Variants in UBE2H observed in about 807,000 individuals in gnomAD.
UBE2H encodes the protein ubiquitin-conjugating enzyme E2 H.
A neutral mutation model predicts 29.0 loss-of-function variants in UBE2H; 3 were observed. The ratio of observed to expected loss-of-function variants is 0.10; its 90% confidence interval spans 0.05 to 0.27. The LOEUF (loss-of-function observed/expected upper bound fraction) is 0.27, where lower values mean the gene tolerates loss of function less well. UBE2H is among the 10% of genes least tolerant of loss of function. The pLI, the probability that UBE2H is intolerant of heterozygous loss-of-function variation, is 1.00. For synonymous variants in UBE2H, 69 were observed against 82.9 expected (o/e 0.83, Z 0.91); for missense variants, 68 against 228.2 (o/e 0.30, Z 4.52).
At chr7:129,891,285 AAG>A (rs1388174044) in intron 1 of UBE2H, among the ~76,000 whole-genome samples, 4 of 151,896 alleles carry the variant, frequency 2.6e-5, no homozygotes, top group African/African-American at 7.2e-5. Flanking sequence ...TCCCCAGTTC[AAG>A]AGAGTCTCCT....
intron 5 of UBE2H, among the ~76,000 whole-genome samples, chr7:129,852,954 G>T (rs190003071): frequency 6.6e-6 from 1 of 152,080 alleles, no homozygotes; most frequent in Admixed American, 6.5e-5. Context: ...TCGAACTCCC[G>T]ACCTAAGGTG....
At chr7:129,850,085 G>A (rs1196341841) in intron 5 of UBE2H, among the ~76,000 whole-genome samples, 1 of 152,200 alleles carries the variant, frequency 6.6e-6, no homozygotes, top group African/African-American at 2.4e-5. Flanking sequence ...CAAAAAAGGT[G>A]GCTGGGTGCA....
At chr7:129,852,530 G>A (rs1228960766) in intron 5 of UBE2H, among the ~76,000 whole-genome samples, 1 of 151,918 alleles carries the variant, frequency 6.6e-6, no homozygotes, top group Non-Finnish European at 1.5e-5. Context: ...TCCTTCTGTT[G>A]TAGTCAATTT....
At chr7:129,904,649 A>C (rs12531936) in intron 1 of UBE2H, among the ~76,000 whole-genome samples, 9,517 of 152,256 alleles carry the variant, frequency 0.063, 369 homozygotes, top group Non-Finnish European at 0.092. Flanking sequence ...TAGCTGAGTG[A>C]CTAGCCTCGG....
At chr7:129,896,530 C>G (rs540488325) in intron 1 of UBE2H, among the ~76,000 whole-genome samples, 22 of 152,164 alleles carry the variant, frequency 1.4e-4, no homozygotes, top group African/African-American at 5.3e-4. Context: ...CTCACCCACC[C>G]CAGTAGCTTG....
At chr7:129,903,948 T>C (rs1381468947) in intron 1 of UBE2H, among the ~76,000 whole-genome samples, 2 of 152,246 alleles carry the variant, frequency 1.3e-5, no homozygotes, top group Non-Finnish European at 2.9e-5. Context: ...CGTTATTTTT[T>C]GAGTATTAAC....
rs1554435104 is a variant in UBE2H at position 129,886,767 on chromosome 7, T to TTAA, written c.54-5797_54-5796insTTA. 6.9e-5 allele frequency among the ~76,000 whole-genome samples: 5 copies of TTAA among 72,066 alleles called. 1 individual carries two copies. The highest frequency in any genetic ancestry group is 2.1e-4 in the African/African-American group (4 of 18,708). 47.3% of individuals were successfully genotyped at this position (72,066 alleles called of 152,430 possible). On this transcript the variant is annotated intron_variant, in intron 1 of 6. Coordinates refer to ENST00000355621, the MANE Select transcript of UBE2H (RefSeq NM_003344.4). ...CACTACCTGGTTTTTTGTTTTTTGG[T>TTAA]AAAAAAAAAAAAAAAAAAAAAAAAA...
intron 5 of UBE2H, among the ~76,000 whole-genome samples, chr7:129,840,280 G>T (rs1805405143): frequency 6.6e-6 from 1 of 151,932 alleles, no homozygotes; most frequent in Non-Finnish European, 1.5e-5. Flanking sequence ...CAAACTCTTG[G>T]GCTCAAGCCA....
At chr7:129,848,717 G>A (rs928057892) in intron 5 of UBE2H, among the ~76,000 whole-genome samples, 2 of 152,100 alleles carry the variant, frequency 1.3e-5, no homozygotes, top group South Asian at 2.1e-4. Flanking sequence ...GAACTGCCAC[G>A]CAAGTCATGA....
intron 1 of UBE2H, among the ~76,000 whole-genome samples, chr7:129,891,953 CT>C (rs753851134): frequency 0.085 from 10,762 of 126,896 alleles, 380 homozygotes; most frequent in East Asian, 0.23. Flanking sequence ...CATGCTACAC[CT>C]TTTTTTTTTT....
chr7:129,902,538 G>C (rs892936835), intron 1 of UBE2H, among the ~76,000 whole-genome samples: 2 of 152,176 alleles, frequency 1.3e-5, no homozygotes, highest in Non-Finnish European at 2.9e-5. Context: ...GAGAATAAGG[G>C]AGGCTCCATG....
At chr7:129,928,752 A>ATCAC (rs1490221265) in intron 1 of UBE2H, among the ~76,000 whole-genome samples, 3 of 152,238 alleles carry the variant, frequency 2.0e-5, no homozygotes, top group Admixed American at 2.0e-4. Context: ...CTATAGAAGT[A>ATCAC]TCACTGTATG....
At chr7:129,861,602 A>G (rs1289036825) in intron 3 of UBE2H, among the ~76,000 whole-genome samples, 1 of 152,250 alleles carries the variant, frequency 6.6e-6, no homozygotes, top group Non-Finnish European at 1.5e-5. Context: ...AAAAGTTATC[A>G]TAGTATCAGC....
chr7:129,944,754 ACG>A (rs1195238835), intron 1 of UBE2H, among the ~76,000 whole-genome samples: 1 of 149,984 alleles, frequency 6.7e-6, no homozygotes, highest in Non-Finnish European at 1.5e-5. Flanking sequence ...ACACACACGC[ACG>A]CACGCACGCG....
intron 6 of UBE2H, among the ~76,000 whole-genome samples, chr7:129,836,894 AAAAAAAAAAAAAAAAAAG>A (rs1805339371): frequency 1.2e-5 from 1 of 82,938 alleles, no homozygotes; most frequent in Non-Finnish European, 2.7e-5. Context: ...AAAAAAAAAA[AAAAAAAAAAAAAAAAAAG>A]GAGTAAGGGC....
intron 1 of UBE2H, among the ~76,000 whole-genome samples, chr7:129,947,171 C>T (rs1254391471): frequency 6.6e-6 from 1 of 152,204 alleles, no homozygotes; most frequent in Non-Finnish European, 1.5e-5. Flanking sequence ...TTTACTAGAA[C>T]TGCACTGCAG....
In UBE2H at chr7:129,882,839, G is replaced by A. The variant is rs143944634; in HGVS notation, c.54-1868C>T. On this transcript the variant is annotated intron_variant, in intron 1 of 6. Transcript: ENST00000355621. ...AGCATCCTTGTGTCACGTAAAAAAA[G>A]GCAAATCCAGTTAAAATAAAATTAA... 1.6e-4 allele frequency among the ~76,000 whole-genome samples: 25 copies of A among 152,190 alleles called. No individual in the cohort carries two copies. The East Asian group carries it at 4.6e-3, about 28-fold the overall frequency.
intron 5 of UBE2H, among the ~76,000 whole-genome samples, chr7:129,841,722 A>G (rs1355432937): frequency 6.6e-6 from 1 of 152,190 alleles, no homozygotes; most frequent in Non-Finnish European, 1.5e-5. Flanking sequence ...TGATTTCATC[A>G]GAGTCTATTT....
chr7:129,870,670 CTG>C (rs1290876750), intron 3 of UBE2H, among the ~76,000 whole-genome samples: 1 of 152,242 alleles, frequency 6.6e-6, no homozygotes, highest in African/African-American at 2.4e-5. Flanking sequence ...GCTTTTATAA[CTG>C]TGCTTCTATC....
Sources: allele counts gnomAD v4.1 joint callset (sites outside exome capture counted in the v4.1 genomes callset), GRCh38; gene constraint gnomAD v4.1.1; transcripts MANE v1.5; gene names NCBI Gene and HGNC (gene_info 2026-07-23, HGNC 2026-07-21).